PALS1: variants seen among roughly 807,000 people sequenced by gnomAD.
PALS1 encodes protein associated with LIN7 1, MAGUK p55 family member.
PALS1 carries 31 observed loss-of-function variants against 78.9 expected under a neutral mutation model. The observed-to-expected ratio is 0.39, with a 90% CI of 0.30 to 0.53. The LOEUF (loss-of-function observed/expected upper bound fraction) is 0.53, where lower values mean the gene tolerates loss of function less well. Ranked by LOEUF, PALS1 falls within the 20% of genes least tolerant of loss-of-function variation. The pLI, the probability that PALS1 is intolerant of heterozygous loss-of-function variation, is 0.67. For missense variants in PALS1, 704 were observed against 826.5 expected, an observed-to-expected ratio of 0.85 and a Z score of 1.82; for synonymous variants, 276 against 270.9, an observed-to-expected ratio of 1.02 and a Z score of -0.18.
chr14:67,280,853 T>TTCCCTCCTTCCC lies in PALS1; in HGVS notation c.367+1323_367+1324insTTCCCTCCCTCC, dbSNP rs1555520240. 5.7e-3 allele frequency among the ~76,000 whole-genome samples: 444 copies of TTCCCTCCTTCCC among 77,512 alleles called. 9 individuals are homozygous for TTCCCTCCTTCCC. The highest frequency in any genetic ancestry group is 6.7e-3 in the Non-Finnish European group (322 of 47,722). 50.9% of individuals were successfully genotyped at this position (77,512 alleles called of 152,430 possible). A position where few individuals can be genotyped will look rare whatever the true frequency, so the allele number is the denominator to read the frequency against. ...CTTCCTTCCTTCCTTCCTTCCTTCC[T>TTCCCTCCTTCCC]TCCCTCCCTCCCTCCCTCCCTCCCT... is the stretch of plus-strand genomic sequence containing the variant. On this transcript the variant is annotated intron_variant, in intron 3 of 14. Coordinates refer to ENST00000261681, the MANE Select transcript of PALS1 (RefSeq NM_022474.4).
chr14:67,282,366 G>A (rs1033903462), intron 3 of PALS1, among the ~76,000 whole-genome samples: 1 of 152,064 alleles, frequency 6.6e-6, no homozygotes, highest in African/African-American at 2.4e-5. Context: ...TTAAATGAGG[G>A]AAGAATGGGC....
intron 1 of PALS1, among the ~76,000 whole-genome samples, chr14:67,248,372 C>G (rs1391628093): frequency 1.3e-5 from 2 of 151,588 alleles, no homozygotes; most frequent in East Asian, 3.9e-4. Flanking sequence ...AAAAGGAAAC[C>G]AAATATAAGA....
intron 3 of PALS1, chr14:67,280,015 G>A (rs1399715232): frequency 2.0e-5 from 3 of 152,528 alleles, no homozygotes; most frequent in Non-Finnish European, 4.4e-5. Flanking sequence ...TAAAATAATG[G>A]TATTTTCTAT....
chr14:67,306,076 T>C (rs946852841), intron 8 of PALS1, among the ~76,000 whole-genome samples: 1 of 152,072 alleles, frequency 6.6e-6, no homozygotes, highest in African/African-American at 2.4e-5. Context: ...GTCAAGCAGT[T>C]CTCCTGCTTC....
intron 14 of PALS1, among the ~76,000 whole-genome samples, chr14:67,325,635 C>T (rs915723945): frequency 2.6e-5 from 4 of 152,106 alleles, no homozygotes; most frequent in African/African-American, 4.8e-5. Context: ...CATGGTTGTT[C>T]AAGGAAAAGG....
chr14:67,305,072 T>G (rs1182802924), intron 8 of PALS1, among the ~76,000 whole-genome samples: 1 of 152,200 alleles, frequency 6.6e-6, no homozygotes, highest in Non-Finnish European at 1.5e-5. Flanking sequence ...AAATATAGTT[T>G]GTCTTTGAAT....
intron 14 of PALS1, among the ~76,000 whole-genome samples, chr14:67,332,469 TG>T (rs2085465056): frequency 1.3e-5 from 2 of 152,218 alleles, no homozygotes. Context: ...AACAAATGTT[TG>T]TAGGGAAACA....
chr14:67,256,578 C>T (rs913806443), intron 1 of PALS1, among the ~76,000 whole-genome samples: 22 of 151,986 alleles, frequency 1.4e-4, no homozygotes, highest in Admixed American at 5.9e-4. Context: ...GATGGAGTCT[C>T]GCTCTGTTGC....
intron 11 of PALS1, among the ~76,000 whole-genome samples, chr14:67,319,574 G>A (rs1038316252): frequency 4.7e-4 from 69 of 148,044 alleles, no homozygotes; most frequent in African/African-American, 1.7e-3. Context: ...GGGGCCACAC[G>A]TAAAATACAC....
At chr14:67,299,553 G>GA (rs2084903782) in intron 4 of PALS1, among the ~76,000 whole-genome samples, 1 of 152,152 alleles carries the variant, frequency 6.6e-6, no homozygotes, top group South Asian at 2.1e-4. Context: ...ACAAGGTCAG[G>GA]AAAAGGTATT....
intron 1 of PALS1, among the ~76,000 whole-genome samples, chr14:67,253,150 A>T (rs1343906566): frequency 6.6e-6 from 1 of 152,240 alleles, no homozygotes; most frequent in Non-Finnish European, 1.5e-5. Context: ...AGGTTAACTT[A>T]TCAAAGCCTG....
Position 67,301,428 on chromosome 14 carries a change from C to G in PALS1, c.616C>G (p.Gln206Glu). 2.5e-6 allele frequency: 4 copies of G among 1,610,498 alleles called. No homozygotes were observed. Among genetic ancestry groups the G allele is most frequent in the Non-Finnish European group, 3.4e-6 (4 of 1,177,904 alleles). The change falls in exon 5 of 15, where the codon CAA (glutamine) becomes GAA (glutamate). Residue 206 changes from glutamine to glutamate, a missense_variant. By Grantham distance (29) the Gln-to-Glu change is conservative. Transcript: ENST00000261681. ...GAAGCCAGTTCATCATAAGGAAGGACAAGAACTAACTGCTTTGCTGAATAC... is the reference window on the plus strand; with the variant it reads ...GAAGCCAGTTCATCATAAGGAAGGAGAAGAACTAACTGCTTTGCTGAATAC... The part of the protein sequence containing the change: ...VLKPVHHKEG[Q>E]ELTALLNTPH...
intron 4 of PALS1, among the ~76,000 whole-genome samples, chr14:67,300,068 T>A (rs1030433613): frequency 6.6e-6 from 1 of 152,116 alleles, no homozygotes; most frequent in African/African-American, 2.4e-5. Context: ...ATTGTAAGAT[T>A]TTAGTTGAGT....
At chr14:67,314,205 G>GA (rs80149872) in intron 9 of PALS1, among the ~76,000 whole-genome samples, 23,445 of 151,604 alleles carry the variant, frequency 0.15, 3,428 homozygotes, top group East Asian at 0.42. Context: ...AGGAGGGCAT[G>GA]AAAAAAAAGA....
intron 14 of PALS1, among the ~76,000 whole-genome samples, chr14:67,331,243 C>G (rs2085445077): frequency 6.6e-6 from 1 of 152,066 alleles, no homozygotes; most frequent in Non-Finnish European, 1.5e-5. Flanking sequence ...CGGGGTTTTG[C>G]CCTGTTGGCC....
intron 1 of PALS1, among the ~76,000 whole-genome samples, chr14:67,244,240 G>A (rs946178958): frequency 2.6e-5 from 4 of 152,144 alleles, no homozygotes; most frequent in African/African-American, 9.7e-5. Flanking sequence ...ATGTGTGGAC[G>A]CTTTCCTAGA....
intron 3 of PALS1, among the ~76,000 whole-genome samples, chr14:67,284,171 T>C (rs2084642325): frequency 6.6e-6 from 1 of 152,142 alleles, no homozygotes; most frequent in Admixed American, 6.6e-5. Context: ...TCTAACTCTG[T>C]AGTCCATAAA....
intron 3 of PALS1, among the ~76,000 whole-genome samples, chr14:67,283,525 T>C (rs974546350): frequency 2.6e-5 from 4 of 152,218 alleles, no homozygotes; most frequent in Non-Finnish European, 4.4e-5. Context: ...GTTGATTATT[T>C]TTACTATCAA....
At chr14:67,284,441 A>C (rs1413442410) in intron 3 of PALS1, among the ~76,000 whole-genome samples, 1 of 147,972 alleles carries the variant, frequency 6.8e-6, no homozygotes, top group Non-Finnish European at 1.5e-5. Context: ...AAAAAAAAAA[A>C]AAACAGCTGG....
Sources: allele counts gnomAD v4.1 joint callset (sites outside exome capture counted in the v4.1 genomes callset), GRCh38; gene constraint gnomAD v4.1.1; transcripts MANE v1.5; gene names NCBI Gene and HGNC (gene_info 2026-07-23, HGNC 2026-07-21).